ASIC2: variants seen among roughly 807,000 people sequenced by gnomAD.
ASIC2 encodes the protein acid sensing ion channel subunit 2, also known as acid-sensing ion channel 2.
In ASIC2, 25 loss-of-function variants were observed where a neutral mutation model predicts 57.3. That is an observed-to-expected ratio of 0.44 (90% CI 0.32 to 0.61). The LOEUF is 0.61. ASIC2 is among the 20% of genes least tolerant of loss of function. The pLI is 0.06. For synonymous variants in ASIC2, 319 were observed against 307.5 expected (o/e 1.04, Z -0.39); for missense variants, 641 against 738.1 (o/e 0.87, Z 1.52).
chr17:33,576,757 G>T (rs1037380225), intron 1 of ASIC2, among the ~76,000 whole-genome samples: 1 of 136,396 alleles, frequency 7.3e-6, no homozygotes, highest in African/African-American at 3.0e-5. Flanking sequence ...TGCTATACCT[G>T]GAGTATGGTG....
At chr17:34,105,764 G>A (rs1273220523) in intron 1 of ASIC2, among the ~76,000 whole-genome samples, 1 of 151,948 alleles carries the variant, frequency 6.6e-6, no homozygotes, top group Non-Finnish European at 1.5e-5. Context: ...TTCTTACTAT[G>A]TATATGTGTG....
At chr17:33,159,864 A>T (rs115155165) in intron 1 of ASIC2, among the ~76,000 whole-genome samples, 1,989 of 152,276 alleles carry the variant, frequency 0.013, 44 homozygotes, top group East Asian at 0.061. Context: ...TATCTGGGAA[A>T]ATTTGGTAAG....
chr17:33,156,975 C>T (rs1034404857), intron 1 of ASIC2, among the ~76,000 whole-genome samples: 3 of 152,116 alleles, frequency 2.0e-5, no homozygotes, highest in African/African-American at 7.2e-5. Context: ...CTTTCCTTCC[C>T]TTGCCTTGGG....
intron 1 of ASIC2, among the ~76,000 whole-genome samples, chr17:33,878,186 T>C (rs1914601635): frequency 6.6e-6 from 1 of 152,100 alleles, no homozygotes; most frequent in South Asian, 2.1e-4. Flanking sequence ...CTGAAAATTA[T>C]AAAAATCAGA....
At chr17:33,779,035 G>T (rs1379926102) in intron 1 of ASIC2, among the ~76,000 whole-genome samples, 1 of 152,130 alleles carries the variant, frequency 6.6e-6, no homozygotes, top group African/African-American at 2.4e-5. Context: ...CACATAGTAG[G>T]TGCTCAAAAA....
At chr17:33,679,470 G>A (rs1907932542) in intron 1 of ASIC2, among the ~76,000 whole-genome samples, 1 of 152,124 alleles carries the variant, frequency 6.6e-6, no homozygotes, top group African/African-American at 2.4e-5. Context: ...GGATTTCTTG[G>A]GGGCCTACCT....
At chr17:33,636,227 G>A (rs1010067539) in intron 1 of ASIC2, among the ~76,000 whole-genome samples, 5 of 152,076 alleles carry the variant, frequency 3.3e-5, no homozygotes, top group African/African-American at 4.8e-5. Flanking sequence ...AAATATTAAC[G>A]GGTCATGGTA....
At position 33,015,951 on chromosome 17, in the gene ASIC2, A is replaced by T. The variant is rs1362224682; in HGVS notation, c.1590+20T>A. On this transcript the variant is annotated intron_variant, in intron 9 of 9. Transcript: ENST00000225823. ...AAGCCAGAGCAGCAGAACAACTTCC[A>T]ATCAGTGAGCTGCTCTTACCACATT... The T allele has an allele frequency of 6.2e-7, 1 of 1,613,844 alleles. No individual in the cohort carries two copies. Among genetic ancestry groups the T allele is most frequent in the Non-Finnish European group, 8.5e-7 (1 of 1,179,784 alleles).
At position 33,038,784 on chromosome 17, in the gene ASIC2, A is replaced by G. The variant is rs16560; in HGVS notation, c.988-10392T>C. On this transcript the variant is annotated intron_variant, in intron 3 of 9. Coordinates refer to ENST00000225823, the MANE Select transcript of ASIC2 (RefSeq NM_183377.2). The stretch of plus-strand genomic sequence containing the variant: ...GTTTGCCCTTAACCTGCCTGGGGAC[A>G]TCCTTATGTTGTTCTTCAATCATTG... Among the ~76,000 whole-genome samples the G allele has an allele frequency of 8.1e-3, 1,234 of 152,280 alleles. 25 individuals are homozygous for G. The highest frequency in any genetic ancestry group is 0.027 in the African/African-American group (1,119 of 41,550).
Position 33,619,589 on chromosome 17 carries a change from T to C in ASIC2, c.556-507522A>G, listed in dbSNP as rs185598268. 2.6e-5 allele frequency among the ~76,000 whole-genome samples: 4 copies of C among 152,296 alleles called. No homozygotes were observed. In the East Asian group the frequency reaches 5.8e-4, roughly 22 times the overall value. ...AGGCCACAGATTCCATCAATGTGCT[T>C]ACATTTATAAAAACAAGAGCTTGAA... On this transcript the variant is annotated intron_variant, in intron 1 of 9. Coordinates refer to the ASIC2 transcript ENST00000359872.
chr17:34,081,976 T>C (rs948652567), intron 1 of ASIC2: 2 of 152,180 alleles, frequency 1.3e-5, no homozygotes, highest in Admixed American at 6.5e-5. Context: ...CTGGTCTCAT[T>C]TGCTTCTCCA....
chr17:34,078,092 C>T (rs1341090533), intron 1 of ASIC2, among the ~76,000 whole-genome samples: 14 of 152,200 alleles, frequency 9.2e-5, no homozygotes, highest in Non-Finnish European at 2.1e-4. Flanking sequence ...CAGTGTTCAG[C>T]TACACTGGCC....
At chr17:33,908,069 A>G (rs1915388169) in intron 1 of ASIC2, among the ~76,000 whole-genome samples, 1 of 152,120 alleles carries the variant, frequency 6.6e-6, no homozygotes, top group African/African-American at 2.4e-5. Flanking sequence ...GAAATTTCCC[A>G]TTATCTTATT....
chr17:33,777,715 A>G (rs1911327203), intron 1 of ASIC2, among the ~76,000 whole-genome samples: 1 of 152,194 alleles, frequency 6.6e-6, no homozygotes, highest in South Asian at 2.1e-4. Flanking sequence ...GTCCAGGTTA[A>G]TTATAAGCTG....
intron 1 of ASIC2, chr17:34,079,204 G>A (rs1017790854): frequency 3.9e-5 from 6 of 152,302 alleles, no homozygotes; most frequent in African/African-American, 1.2e-4. Flanking sequence ...CAGTTTTCAG[G>A]ATAGAAATTC....
intron 1 of ASIC2, among the ~76,000 whole-genome samples, chr17:33,183,096 G>A (rs993276460): frequency 4.6e-5 from 7 of 152,138 alleles, no homozygotes; most frequent in African/African-American, 1.7e-4. Context: ...TGTGTTCAAG[G>A]CCACACAGCC....
chr17:34,141,407 A>C (rs1210669607), intron 1 of ASIC2, among the ~76,000 whole-genome samples: 1 of 152,226 alleles, frequency 6.6e-6, no homozygotes, highest in Non-Finnish European at 1.5e-5. Context: ...AAAAAGAATA[A>C]AATTTAGCTA....
At chr17:33,269,895 G>A (rs1904415267) in intron 1 of ASIC2, among the ~76,000 whole-genome samples, 2 of 152,318 alleles carry the variant, frequency 1.3e-5, no homozygotes, top group South Asian at 4.1e-4. Flanking sequence ...AGGGAGAGCA[G>A]AGGAATAGTT....
chr17:33,533,666 T>C (rs1481448409), intron 1 of ASIC2: 4 of 152,204 alleles, frequency 2.6e-5, no homozygotes, highest in African/African-American at 7.2e-5. Flanking sequence ...TTCAGAGTTG[T>C]AGGAGACCTG....
Sources: allele counts gnomAD v4.1 joint callset (sites outside exome capture counted in the v4.1 genomes callset), GRCh38; gene constraint gnomAD v4.1.1; transcripts MANE v1.5; gene names NCBI Gene and HGNC (gene_info 2026-07-23, HGNC 2026-07-21).